Variants in KLC3 observed in about 807,000 individuals in gnomAD.
KLC3 encodes kinesin light chain 3.
Under a neutral mutation model 62.9 loss-of-function variants are expected in KLC3, and 72 were observed. The ratio of observed to expected loss-of-function variants is 1.15; its 90% CI spans 0.95 to 1.39. KLC3 has a LOEUF of 1.39. KLC3 is among the 40% of genes most tolerant of loss of function. The probability of loss-of-function intolerance (pLI) is 0.00; values close to 1 mark genes in which losing one functional copy is unlikely to be tolerated. For synonymous variants in KLC3, 377 were observed against 300.5 expected (o/e 1.25, Z -2.63); for missense variants, 848 against 691.6 (o/e 1.23, Z -2.54).
Position 45,351,391 on chromosome 19 carries a change from G to A in KLC3, c.*34G>A, listed in dbSNP as rs538721827. On this transcript the variant is annotated 3_prime_UTR_variant, in exon 13 of 13. Transcript: ENST00000391946. ...GAACTGCGCTGGCCGCAGCTTCTTG[G>A]GAACAGTGCAGGAGGGATGGGCTGG... The A allele has an allele frequency of 5.7e-5, 91 of 1,606,420 alleles. No individual in the cohort carries two copies. The South Asian group carries it at 9.3e-4, about 16-fold the overall frequency.
chr19:45,347,288 G>C, intron 3 of KLC3, 159 bp from the exon 4 acceptor site: 2 of 583,372 alleles, frequency 3.4e-6, no homozygotes, highest in Non-Finnish European at 6.1e-6. Context: ...GTTGCTGTGA[G>C]CCAAGATCGC....
chr19:45,348,326 G>A (rs1289075956), intron 5 of KLC3, among the ~76,000 whole-genome samples, 166 bp downstream of exon 5: 1 of 152,152 alleles, frequency 6.6e-6, no homozygotes, highest in African/African-American at 2.4e-5. Flanking sequence ...TGTGAGAACG[G>A]CAAAGAGGGA....
rs760262930 is a variant in KLC3 at position 45,349,519 on chromosome 19, C to A, written c.1060C>A (p.Arg354=). ...CCAGGGCAAGTTTGAGGACGTGGAGCGGCACTATGCCCGGGCCCTGAGCAT... is the reference window on the plus strand; with the variant it reads ...CCAGGGCAAGTTTGAGGACGTGGAGAGGCACTATGCCCGGGCCCTGAGCAT... ...QNQGKFEDVE[R]HYARALSIYE... The change falls in exon 8 of 13, where the codon CGG becomes AGG. Residue 354 remains arginine (R), a synonymous_variant. Transcript: ENST00000391946. 2 of 1,613,384 alleles carry A rather than the reference C, an allele frequency of 1.2e-6. No homozygotes were observed. Among genetic ancestry groups the A allele is most frequent in the South Asian group, 2.2e-5 (2 of 90,882 alleles).
rs753818490 is a variant in KLC3 at position 45,351,015 on chromosome 19, CAGGTG to C, written c.1443+2_1443+6del. 6.2e-7 allele frequency: 1 copy of C among 1,614,082 alleles called. No individual in the cohort carries two copies. The highest frequency in any genetic ancestry group is 2.2e-5 in the East Asian group (1 of 44,874). ...GGATGCTCCAAGGGCTCCTGGGACT[CAGGTG>C]AGGGGGACATCTGGGTCAAAAATAG... On this transcript the variant is annotated splice_donor_variant and splice_donor_region_variant and coding_sequence_variant and intron_variant, in exon 12 of 13. Coordinates refer to ENST00000391946, the MANE Select transcript of KLC3 (RefSeq NM_177417.3). LOFTEE classifies it high-confidence loss of function.
chr19:45,347,836 G>A lies in KLC3; in HGVS notation c.560-105G>A. On this transcript the variant is annotated intron_variant, in intron 4 of 12. Coordinates refer to ENST00000391946, the MANE Select transcript of KLC3 (RefSeq NM_177417.3). Reference sequence around the variant, plus strand: ...GTTAGCGTGGGGGCCCATAGTCCCAGGGGCCAGTTAGGCAGTCCGGCAGTT... The same window carrying A: ...GTTAGCGTGGGGGCCCATAGTCCCAAGGGCCAGTTAGGCAGTCCGGCAGTT... 3 of 941,232 alleles carry A rather than the reference G, an allele frequency of 3.2e-6. No homozygotes were observed. The South Asian group carries it at 4.8e-5, about 15-fold the overall frequency. The allele number at this position is 941,232 out of a possible 1,614,324, so 58.3% of individuals were successfully genotyped here. A position where few individuals can be genotyped will look rare whatever the true frequency, so the allele number is the denominator to read the frequency against.
At chr19:45,349,927 GGTGGGAGCTGTCGCTCCACTTTGCGT>G in intron 8 of KLC3, 1 of 426,530 alleles carries the variant, frequency 2.3e-6, no homozygotes, top group South Asian at 3.7e-5. Context: ...GTCCCTATGA[GGTGGGAGCTGTCGCTCCACTTTGCGT>G]GTGGGAAGAC....
At position 45,351,499 on chromosome 19, in the gene KLC3, A is replaced by C; in HGVS notation, c.*142A>C. ...GATAGCTGCCTTCTCCTGCGATTAA[A>C]GGCTGTGGACGTGACAGTGAGAAAT... On this transcript the variant is annotated 3_prime_UTR_variant, in exon 13 of 13. Coordinates refer to ENST00000391946, the MANE Select transcript of KLC3 (RefSeq NM_177417.3). 2 of 1,594,220 alleles carry C rather than the reference A, an allele frequency of 1.3e-6. No individual in the cohort carries two copies. The highest frequency in any genetic ancestry group is 1.7e-6 in the Non-Finnish European group (2 of 1,174,778).
At chr19:45,346,472 G>A in intron 2 of KLC3, 72 bp from the exon 3 acceptor site, 2 of 1,313,554 alleles carry the variant, frequency 1.5e-6, no homozygotes, top group Non-Finnish European at 2.1e-6. Context: ...CCTGACTCGA[G>A]GCCTGGGCTG....
chr19:45,348,251 A>G (rs1224976734), intron 5 of KLC3, 91 bp downstream of exon 5: 4 of 1,212,880 alleles, frequency 3.3e-6, no homozygotes, highest in East Asian at 2.6e-5. Flanking sequence ...CTCTGTCACC[A>G]TGGAGCACCT....
chr19:45,349,017 C>T (rs1413280620), intron 7 of KLC3, 96 bp downstream of exon 7: 2 of 1,124,968 alleles, frequency 1.8e-6, no homozygotes, highest in African/African-American at 1.5e-5. Context: ...GACCCTCGGG[C>T]CCCTTGCGTT....
rs757176253 is a variant in KLC3 at position 45,348,940 on chromosome 19, C to A, written c.969+19C>A. Reference sequence around the variant, plus strand: ...AGAGAAGGTCCCATCCCCCTCACCCCACCCCGAGGAACCCCTTGTCCCATG... The same window carrying A: ...AGAGAAGGTCCCATCCCCCTCACCCAACCCCGAGGAACCCCTTGTCCCATG... On this transcript the variant is annotated intron_variant, in intron 7 of 12. Coordinates refer to ENST00000391946, the MANE Select transcript of KLC3 (RefSeq NM_177417.3). 1.3e-6 allele frequency: 2 copies of A among 1,553,036 alleles called. No homozygotes were observed. The highest frequency in any genetic ancestry group is 1.7e-6 in the Non-Finnish European group (2 of 1,145,438).
intron 6 of KLC3, 22 bp downstream of exon 6, chr19:45,348,755 C>G: frequency 6.4e-7 from 1 of 1,570,230 alleles, no homozygotes. Context: ...CCCAGGGAGA[C>G]GAAGTGGGGT....
At chr19:45,350,319 C>CCAGA (rs1971669520) in intron 8 of KLC3, 22 bp from the exon 9 acceptor site, 4 of 1,609,242 alleles carry the variant, frequency 2.5e-6, no homozygotes, top group Non-Finnish European at 3.4e-6. Context: ...CGAAAAGTTC[C>CCAGA]CAGACACTCC....
At position 45,347,351 on chromosome 19, in the gene KLC3, A is replaced by C. The variant is rs569375539; in HGVS notation, c.490-96A>C. The C allele has an allele frequency of 4.5e-4, 411 of 922,902 alleles. 2 individuals are homozygous for C. Among genetic ancestry groups the C allele is most frequent in the African/African-American group, 4.2e-3 (245 of 58,402 alleles). The allele number at this position is 922,902 out of a possible 1,614,324, so 57.2% of individuals were successfully genotyped here. ...GCGAAACTCCGTCTCAAAAAAAAAA[A>C]AAAAACAAAAAAACAAAAACCTGAG... On this transcript the variant is annotated intron_variant, in intron 3 of 12. Transcript: ENST00000391946.
At chr19:45,348,344 A>G (rs1319329722) in intron 5 of KLC3, among the ~76,000 whole-genome samples, 184 bp downstream of exon 5, 1 of 152,076 alleles carries the variant, frequency 6.6e-6, no homozygotes, top group Non-Finnish European at 1.5e-5. Flanking sequence ...GGAGTGGGAC[A>G]GGGATCTGGG....
Position 45,351,459 on chromosome 19 carries a change from T to C in KLC3, c.*102T>C. The C allele has an allele frequency of 6.3e-7, 1 of 1,582,746 alleles. No individual in the cohort carries two copies. On this transcript the variant is annotated 3_prime_UTR_variant, in exon 13 of 13. Transcript: ENST00000391946. The stretch of plus-strand genomic sequence containing the variant: ...TATCATCTCCTGGCCCCCCCTTGCC[T>C]CTGGGTACCTGGTGGATAGCTGCCT...
At chr19:45,346,473 G>T in intron 2 of KLC3, 71 bp from the exon 3 acceptor site, 1 of 1,321,710 alleles carries the variant, frequency 7.6e-7, no homozygotes, top group Non-Finnish European at 1.0e-6. Context: ...CTGACTCGAG[G>T]CCTGGGCTGG....
At chr19:45,347,205 G>C (rs1971521210) in intron 3 of KLC3, 5 of 504,114 alleles carry the variant, frequency 9.9e-6, no homozygotes, top group African/African-American at 2.0e-5. Flanking sequence ...AGCCGGGTGT[G>C]GTGGCACATG....
rs532880737 is a variant in KLC3, at chr19:45,349,044, C to T, written c.969+123C>T. The T allele has an allele frequency of 3.6e-6, 3 of 824,000 alleles. No homozygotes were observed. In the East Asian group the frequency reaches 8.0e-5, roughly 22 times the overall value. The allele number at this position is 824,000 out of a possible 1,614,324, so 51.0% of individuals were successfully genotyped here. A position where few individuals can be genotyped will look rare whatever the true frequency, so the allele number is the denominator to read the frequency against. On this transcript the variant is annotated intron_variant, in intron 7 of 12. Transcript: ENST00000391946. Reference sequence around the variant, plus strand: ...CCTTGCGTTTGGTATTGGGAGACCCCAGTTGGAGCCTAGATCACCCAACCC... The same window carrying T: ...CCTTGCGTTTGGTATTGGGAGACCCTAGTTGGAGCCTAGATCACCCAACCC...
Sources: allele counts gnomAD v4.1 joint callset (sites outside exome capture counted in the v4.1 genomes callset), GRCh38; gene constraint gnomAD v4.1.1; transcripts MANE v1.5; gene names NCBI Gene and HGNC (gene_info 2026-07-23, HGNC 2026-07-21).